ANKFY1: variants seen among roughly 807,000 people sequenced by gnomAD.
ANKFY1 encodes the protein ankyrin repeat and FYVE domain containing 1.
A neutral mutation model predicts 128.3 loss-of-function variants in ANKFY1; 47 were observed. The ratio of observed to expected loss-of-function variants is 0.37; its 90% CI spans 0.29 to 0.47. The LOEUF is 0.47. Among genes scored for constraint, ANKFY1 ranks in the 20% least tolerant of loss-of-function variants. The pLI, the probability that ANKFY1 is intolerant of heterozygous loss-of-function variation, is 1.00. For missense variants in ANKFY1, 1,222 were observed against 1,510.6 expected (o/e 0.81, Z 3.17); for synonymous variants, 553 against 601.6 (o/e 0.92, Z 1.18).
At chr17:4,231,213 G>A (rs78580204) in intron 3 of ANKFY1, among the ~76,000 whole-genome samples, 5,640 of 152,264 alleles carry the variant, frequency 0.037, 351 homozygotes, top group African/African-American at 0.13. Context: ...TCCTATACAA[G>A]AGCCAGGCAG....
rs1367673670 is a variant in ANKFY1 at position 4,183,457 on chromosome 17, C to T, written c.1893G>A (p.Gln631=). The T allele has an allele frequency of 1.2e-6, 2 of 1,613,834 alleles. No homozygotes were observed. Among genetic ancestry groups the T allele is most frequent in the Non-Finnish European group, 1.7e-6 (2 of 1,180,042 alleles). The change falls in exon 14 of 25, where the codon CAG becomes CAA. Residue 631 remains glutamine, a synonymous_variant. Transcript: ENST00000341657. The stretch of plus-strand genomic sequence containing the variant: ...AGAGTGCGCTCTTGCTGTCCTGCCG[C>T]TGTATGGCCATGTGCAGTAGCGTCT... The part of the protein sequence containing the change: ...DGQTLLHMAI[Q]RQDSKSALFL...
chr17:4,231,243 TC>T (rs2060507436), intron 3 of ANKFY1, among the ~76,000 whole-genome samples: 1 of 152,176 alleles, frequency 6.6e-6, no homozygotes, highest in African/African-American at 2.4e-5. Context: ...TGCCTGAAAT[TC>T]CAACACTTTG....
At chr17:4,243,120 G>A (rs1447224884) in intron 1 of ANKFY1, among the ~76,000 whole-genome samples, 1 of 152,136 alleles carries the variant, frequency 6.6e-6, no homozygotes, top group Admixed American at 6.6e-5. Context: ...AGGCTGGAGT[G>A]CAGTGGTGCG....
chr17:4,196,767 A>T (rs978192412), intron 8 of ANKFY1, among the ~76,000 whole-genome samples: 1 of 152,208 alleles, frequency 6.6e-6, no homozygotes, highest in Non-Finnish European at 1.5e-5. Flanking sequence ...GAAATGCTAC[A>T]AGGTTTCCTT....
chr17:4,207,929 G>A lies in ANKFY1; in HGVS notation c.732+4C>T. 3 of 1,586,784 alleles carry A rather than the reference G, an allele frequency of 1.9e-6. No individual in the cohort carries two copies. The highest frequency in any genetic ancestry group is 2.6e-6 in the Non-Finnish European group (3 of 1,169,324). On this transcript the variant is annotated splice_donor_region_variant and intron_variant, in intron 6 of 24. Coordinates refer to ENST00000341657, the MANE Select transcript of ANKFY1 (RefSeq NM_001330063.2). ...ATGAAGAATGGAAAAGGCAGCTACA[G>A]TACCTGGGAATCCATTTCAATCAGA...
intron 7 of ANKFY1, among the ~76,000 whole-genome samples, chr17:4,197,920 G>A (rs901427814): frequency 6.6e-6 from 1 of 151,972 alleles, no homozygotes; most frequent in Non-Finnish European, 1.5e-5. Context: ...ACCTGGGGTC[G>A]GGAGTTGGAG....
Position 4,168,162 on chromosome 17 carries a change from A to G in ANKFY1, c.3378-251T>C, listed in dbSNP as rs1295811708. On this transcript the variant is annotated intron_variant, in intron 24 of 24. Coordinates refer to ENST00000341657, the MANE Select transcript of ANKFY1 (RefSeq NM_001330063.2). ...TTTTTTTTTTTTTTGGAAGATCAAG[A>G]GCAGCTCAGGCCAGGCATGGTGGCT... 6 of 350,660 alleles carry G rather than the reference A, an allele frequency of 1.7e-5. No homozygotes were observed. The East Asian group carries it at 3.1e-4, about 18-fold the overall frequency. 21.7% of individuals were successfully genotyped at this position (350,660 alleles called of 1,614,324 possible). A position where few individuals can be genotyped will look rare whatever the true frequency, so the allele number is the denominator to read the frequency against.
chr17:4,222,017 C>G (rs2060323899), intron 3 of ANKFY1: 1 of 152,322 alleles, frequency 6.6e-6, no homozygotes, highest in Non-Finnish European at 1.5e-5. Flanking sequence ...TCTGAAGCCG[C>G]TGCTGGCTGC....
In ANKFY1 at chr17:4,263,958, C is replaced by T. The variant is rs1261722181; in HGVS notation, c.-17G>A. The T allele has an allele frequency of 2.5e-6, 4 of 1,613,884 alleles. No homozygotes were observed. Among genetic ancestry groups the T allele is most frequent in the Non-Finnish European group, 3.4e-6 (4 of 1,179,958 alleles). On this transcript the variant is annotated 5_prime_UTR_variant, in exon 1 of 25. Coordinates refer to ENST00000341657, the MANE Select transcript of ANKFY1 (RefSeq NM_001330063.2). ...TTCCGCCATGTCTGGCCCGGCACTG[C>T]CTGCAACCTCGCGAGAAGTGCGCGG...
chr17:4,206,426 A>T lies in ANKFY1; in HGVS notation c.793T>A (p.Ser265Thr). ...GTGGCAATACTCTCCAGTCGTCGTG[A>T]GAGGGCTAGATCTAATGCCAGATCT... The part of the protein sequence containing the change: ...NGDLALDLAL[S>T]RRLESIATTL... The change falls in exon 7 of 25, where the codon TCA becomes ACA. Residue 265 changes from serine (S) to threonine (T), a missense_variant. Physicochemically the swap from Ser to Thr is moderately conservative, Grantham distance 58. Coordinates refer to ENST00000341657, the MANE Select transcript of ANKFY1 (RefSeq NM_001330063.2). 4 of 1,614,154 alleles carry T rather than the reference A, an allele frequency of 2.5e-6. No homozygotes were observed. Among genetic ancestry groups the T allele is most frequent in the Non-Finnish European group, 3.4e-6 (4 of 1,180,020 alleles).
At chr17:4,180,595 C>G (rs964272383) in intron 16 of ANKFY1, among the ~76,000 whole-genome samples, 16 of 150,654 alleles carry the variant, frequency 1.1e-4, no homozygotes, top group African/African-American at 3.9e-4. Context: ...AACCCCGTCT[C>G]TACTAAAAAT....
intron 7 of ANKFY1, among the ~76,000 whole-genome samples, chr17:4,205,883 ATAGAGGCC>A (rs1406478274): frequency 2.0e-5 from 3 of 152,242 alleles, no homozygotes; most frequent in African/African-American, 7.2e-5. Flanking sequence ...ATTTATCATA[ATAGAGGCC>A]TAGCCTGTTA....
chr17:4,216,679 G>C (rs897460950), intron 4 of ANKFY1: 12 of 380,078 alleles, frequency 3.2e-5, no homozygotes, highest in African/African-American at 2.1e-4. Flanking sequence ...AACAGAAAGG[G>C]AAGGAAAGCT....
chr17:4,195,379 A>G, intron 9 of ANKFY1, 24 bp downstream of exon 9: 2 of 1,609,054 alleles, frequency 1.2e-6, no homozygotes, highest in Non-Finnish European at 1.7e-6. Flanking sequence ...CCGCCTTCTC[A>G]CTTGTGCGTG....
intron 2 of ANKFY1, among the ~76,000 whole-genome samples, chr17:4,238,518 G>C (rs1164494513): frequency 6.6e-6 from 1 of 151,520 alleles, no homozygotes; most frequent in Non-Finnish European, 1.5e-5. Flanking sequence ...TTGTTGCCCA[G>C]GCTGGAGTAC....
chr17:4,224,624 A>G (rs1343202127), intron 3 of ANKFY1, among the ~76,000 whole-genome samples: 3 of 151,832 alleles, frequency 2.0e-5, no homozygotes, highest in Non-Finnish European at 4.4e-5. Flanking sequence ...TTTTTTTAAT[A>G]CTTATTAGAA....
At chr17:4,171,621 C>T (rs1273044234) in intron 22 of ANKFY1, among the ~76,000 whole-genome samples, 1 of 152,172 alleles carries the variant, frequency 6.6e-6, no homozygotes, top group Non-Finnish European at 1.5e-5. Flanking sequence ...GACCTCAACA[C>T]GGAGCCCCTC....
intron 19 of ANKFY1, among the ~76,000 whole-genome samples, chr17:4,175,276 C>T (rs8077369): frequency 0.91 from 137,289 of 150,598 alleles, 63,965 homozygotes; most frequent in East Asian, 1. Flanking sequence ...AAGCCTGCAG[C>T]GAGCTGTGAT....
chr17:4,200,951 T>C (rs898675358), intron 7 of ANKFY1, among the ~76,000 whole-genome samples: 8 of 152,222 alleles, frequency 5.3e-5, no homozygotes, highest in South Asian at 2.1e-4. Context: ...TTGCCTGTAT[T>C]CCTGTGCCCA....
Sources: gnomAD v4.1 joint callset for allele counts (sites outside exome capture counted in the v4.1 genomes callset) on GRCh38, gnomAD v4.1.1 for gene constraint, MANE v1.5 for transcripts, NCBI Gene and HGNC (gene_info 2026-07-23, HGNC 2026-07-21) for gene names.